NOD2: variants seen among roughly 807,000 people sequenced by gnomAD.
The protein encoded by NOD2 is nucleotide-binding oligomerization domain-containing protein 2.
In NOD2, 86 loss-of-function variants were observed where a neutral mutation model predicts 90.9. The ratio of observed to expected loss-of-function variants is 0.95; its 90% CI spans 0.79 to 1.13. NOD2 has a LOEUF of 1.13. NOD2 is among the 50% of genes most tolerant of loss of function. The pLI is 0.00. For synonymous variants in NOD2, 581 were observed against 554.6 expected (o/e 1.05, Z -0.67); for missense variants, 1,238 against 1,283.8 (o/e 0.96, Z 0.55).
At chr16:50,726,492 A>G (rs74017786) in intron 10 of NOD2, among the ~76,000 whole-genome samples, 1 of 152,164 alleles carries the variant, frequency 6.6e-6, no homozygotes, top group Non-Finnish European at 1.5e-5. Context: ...CACTTCCACT[A>G]ATTATTTGGG....
chr16:50,715,174 G>T (rs1459063939), intron 4 of NOD2, among the ~76,000 whole-genome samples: 1 of 152,208 alleles, frequency 6.6e-6, no homozygotes, highest in Non-Finnish European at 1.5e-5. Context: ...AAGCCTTTAT[G>T]TGCCGTACAA....
At chr16:50,706,521 T>C (rs901136941) in intron 2 of NOD2, among the ~76,000 whole-genome samples, 1 of 151,856 alleles carries the variant, frequency 6.6e-6, no homozygotes, top group Non-Finnish European at 1.5e-5. Context: ...AGGAGGATGG[T>C]ATAGAGGAGG....
chr16:50,714,027 T>C (rs1964666935), intron 4 of NOD2, among the ~76,000 whole-genome samples: 1 of 152,180 alleles, frequency 6.6e-6, no homozygotes, highest in Non-Finnish European at 1.5e-5. Context: ...TGAGTGGGAA[T>C]TTGGAAACCT....
chr16:50,714,786 T>C (rs1260116154), intron 4 of NOD2, among the ~76,000 whole-genome samples: 2 of 152,106 alleles, frequency 1.3e-5, no homozygotes, highest in African/African-American at 4.8e-5. Context: ...GGAAACCCTA[T>C]ATACACAGTG....
At chr16:50,707,547 A>T (rs1368314696) in intron 2 of NOD2, among the ~76,000 whole-genome samples, 3 of 152,218 alleles carry the variant, frequency 2.0e-5, no homozygotes, top group African/African-American at 7.2e-5. Context: ...TTCTCTTCCA[A>T]ATGATTTACA....
chr16:50,717,346 G>A (rs187560298), intron 6 of NOD2, among the ~76,000 whole-genome samples: 3 of 152,258 alleles, frequency 2.0e-5, no homozygotes, highest in East Asian at 1.9e-4. Context: ...CTGTGGCAGC[G>A]AGTTGCTGCA....
intron 5 of NOD2, 110 bp from the exon 6 acceptor site, chr16:50,716,781 A>T: frequency 6.8e-7 from 1 of 1,461,588 alleles, no homozygotes; most frequent in East Asian, 2.3e-5. Flanking sequence ...TGTTTGCATG[A>T]TGGGGGGTGC....
rs947655808 is a variant in NOD2 at position 50,697,315 on chromosome 16, G to A, written c.-8-2173G>A. The A allele has an allele frequency of 7.2e-5, 112 of 1,555,952 alleles. No homozygotes were observed. The highest frequency in any genetic ancestry group is 9.5e-5 in the Non-Finnish European group (109 of 1,149,104). On this transcript the variant is annotated intron_variant, in intron 1 of 11. Coordinates refer to ENST00000647318, the MANE Select transcript of NOD2 (RefSeq NM_001370466.1). ...CAAGTGTCCTCCTCGGACATTCTCC[G>A]GGTAAGAGGAGCAGGCATTGTCCCG...
intron 2 of NOD2, among the ~76,000 whole-genome samples, chr16:50,706,720 C>T (rs557864747): frequency 8.6e-4 from 129 of 150,048 alleles, no homozygotes; most frequent in Middle Eastern, 3.4e-3. Context: ...TTTTTGAGAC[C>T]CAGTCTTGCT....
intron 3 of NOD2, 48 bp from the exon 4 acceptor site, chr16:50,710,510 G>A (rs200573252): frequency 6.8e-5 from 109 of 1,613,092 alleles, no homozygotes; most frequent in Middle Eastern, 5.0e-4. Context: ...GTTAGGTCCC[G>A]TCTTCACCAT....
Position 50,707,551 on chromosome 16 carries a change from A to C in NOD2, c.460-304A>C, listed in dbSNP as rs17312836. 0.33 allele frequency among the ~76,000 whole-genome samples: 50,484 copies of C among 152,068 alleles called. 9,148 individuals are homozygous for C. Among genetic ancestry groups the C allele is most frequent in the Non-Finnish European group, 0.4 (27,212 of 67,956 alleles). On this transcript the variant is annotated intron_variant, in intron 2 of 11. Transcript: ENST00000647318. ...GATGAAATCACTTCTCTTCCAAATG[A>C]TTTACAGCCTGCAGAATCATTTTCC...
At position 50,716,690 on chromosome 16, in the gene NOD2, G is replaced by T. The variant is rs540029486; in HGVS notation, c.2465+20G>T. ...GTTAGCGTAAGTCAGCCTGGGCTGT[G>T]GACAATGGGCTCCAAGTGCCCTGGT... On this transcript the variant is annotated intron_variant, in intron 5 of 11. Transcript: ENST00000647318. 1.9e-6 allele frequency: 3 copies of T among 1,611,896 alleles called. No individual in the cohort carries two copies. Among genetic ancestry groups the T allele is most frequent in the Admixed American group, 1.7e-5 (1 of 59,994 alleles).
intron 10 of NOD2, chr16:50,727,584 C>T: frequency 3.4e-6 from 1 of 290,532 alleles, no homozygotes; most frequent in Non-Finnish European, 6.8e-6. Context: ...AAGCATTTTT[C>T]CTGCAGAAAG....
intron 7 of NOD2, 130 bp downstream of exon 7, chr16:50,720,138 G>C: frequency 1.3e-6 from 1 of 758,842 alleles, no homozygotes; most frequent in Non-Finnish European, 2.2e-6. Context: ...GACAAGCCAG[G>C]GAGAGAGTGG....
At chr16:50,718,395 G>A (rs576278842) in intron 6 of NOD2, among the ~76,000 whole-genome samples, 2 of 152,224 alleles carry the variant, frequency 1.3e-5, no homozygotes, top group Non-Finnish European at 2.9e-5. Context: ...GCTGATTCAC[G>A]TCCTGGGTGG....
intron 10 of NOD2, chr16:50,728,910 A>G (rs537330423): frequency 1.3e-5 from 2 of 152,736 alleles, no homozygotes; most frequent in Admixed American, 6.5e-5. Flanking sequence ...CTCATTGGTT[A>G]TTTTCTATCA....
chr16:50,730,961 G>A (rs1053481806), intron 11 of NOD2, among the ~76,000 whole-genome samples: 1 of 152,210 alleles, frequency 6.6e-6, no homozygotes, highest in Non-Finnish European at 1.5e-5. Flanking sequence ...CACTTTGGGA[G>A]GCTGAGGCAG....
At chr16:50,719,299 G>A (rs1003871989) in intron 6 of NOD2, among the ~76,000 whole-genome samples, 4 of 152,156 alleles carry the variant, frequency 2.6e-5, no homozygotes, top group African/African-American at 7.2e-5. Flanking sequence ...GAATGAAAGC[G>A]TATAGTTATC....
At chr16:50,708,835 G>T (rs1306913433) in intron 3 of NOD2, among the ~76,000 whole-genome samples, 1 of 152,200 alleles carries the variant, frequency 6.6e-6, no homozygotes, top group African/African-American at 2.4e-5. Flanking sequence ...CCTGGCACTC[G>T]CGAGTGCACC....
Sources: gnomAD v4.1 joint callset for allele counts (sites outside exome capture counted in the v4.1 genomes callset) on GRCh38, gnomAD v4.1.1 for gene constraint, MANE v1.5 for transcripts, NCBI Gene and HGNC (gene_info 2026-07-23, HGNC 2026-07-21) for gene names.